Variants in CDH13 observed in about 807,000 individuals in gnomAD.
CDH13 encodes cadherin-13.
Under a neutral mutation model 63.8 loss-of-function variants are expected in CDH13, and 24 were observed. The observed-to-expected ratio is 0.38, with a 90% CI of 0.27 to 0.53. CDH13 has a LOEUF of 0.53. Ranked by LOEUF, CDH13 falls within the 20% of genes least tolerant of loss-of-function variation. The probability of loss-of-function intolerance (pLI) is 0.85; values close to 1 mark genes in which losing one functional copy is unlikely to be tolerated. For missense variants in CDH13, 1,049 were observed against 903.1 expected, an observed-to-expected ratio of 1.16 and a Z score of -2.07; for synonymous variants, 503 against 355.3, an observed-to-expected ratio of 1.42 and a Z score of -4.67.
At chr16:83,226,516 C>T (rs1394098554) in intron 5 of CDH13, among the ~76,000 whole-genome samples, 1 of 152,204 alleles carries the variant, frequency 6.6e-6, no homozygotes, top group Non-Finnish European at 1.5e-5. Flanking sequence ...GGCCCACACT[C>T]GGTACTTAGC....
At chr16:83,131,474 C>G (rs112517424) in intron 4 of CDH13, among the ~76,000 whole-genome samples, 1 of 152,090 alleles carries the variant, frequency 6.6e-6, no homozygotes, top group East Asian at 1.9e-4. Context: ...TTTCCCCTCC[C>G]CCTTCAAAGT....
intron 10 of CDH13, chr16:83,710,140 C>T (rs1308456259): frequency 6.6e-6 from 1 of 152,226 alleles, no homozygotes; most frequent in Admixed American, 6.5e-5. Context: ...TCACAATGCA[C>T]TGGACAGCCT....
At chr16:82,675,906 G>A (rs1913843917) in intron 1 of CDH13, among the ~76,000 whole-genome samples, 5 of 152,156 alleles carry the variant, frequency 3.3e-5, no homozygotes, top group Admixed American at 2.0e-4. Context: ...CCATATCCTT[G>A]GGAGACCAGA....
At chr16:83,601,575 C>T (rs1278469939) in intron 7 of CDH13, among the ~76,000 whole-genome samples, 4 of 152,142 alleles carry the variant, frequency 2.6e-5, no homozygotes, top group Non-Finnish European at 4.4e-5. Context: ...GGTTTCTTCC[C>T]CATCTGTAAA....
intron 1 of CDH13, among the ~76,000 whole-genome samples, chr16:82,676,370 C>T (rs528629192): frequency 3.9e-5 from 6 of 152,240 alleles, no homozygotes; most frequent in Admixed American, 1.3e-4. Flanking sequence ...CAGTTTTTCC[C>T]CTTTCTCACA....
chr16:83,334,357 TCTCTCACA>T (rs1403514045), intron 5 of CDH13, among the ~76,000 whole-genome samples: 5 of 58,388 alleles, frequency 8.6e-5, no homozygotes, highest in Non-Finnish European at 1.6e-4. Flanking sequence ...TCTCTCTCTC[TCTCTCACA>T]CACACACACA....
At chr16:83,592,921 A>T (rs61708700) in intron 7 of CDH13, among the ~76,000 whole-genome samples, 2 of 152,218 alleles carry the variant, frequency 1.3e-5, no homozygotes, top group African/African-American at 2.4e-5. Context: ...ATGGAAGAAC[A>T]TCGCTCGACC....
intron 1 of CDH13, among the ~76,000 whole-genome samples, chr16:82,845,341 C>T (rs1227135412): frequency 6.6e-6 from 1 of 152,206 alleles, no homozygotes; most frequent in East Asian, 1.9e-4. Flanking sequence ...CCCATCTCTG[C>T]TTTCCCTCAC....
In CDH13 at chr16:83,795,219, C is replaced by T. The variant is rs961170781; in HGVS notation, c.*189C>T. On this transcript the variant is annotated 3_prime_UTR_variant, in exon 14 of 14. Coordinates refer to ENST00000567109, the MANE Select transcript of CDH13 (RefSeq NM_001257.5). Reference sequence around the variant, plus strand: ...TCATCATTTTGACAGCATCTTCCTCCCTCCTTTAATTAATGGAATCTTCTG... The same window carrying T: ...TCATCATTTTGACAGCATCTTCCTCTCTCCTTTAATTAATGGAATCTTCTG... 19 of 541,058 alleles carry T rather than the reference C, an allele frequency of 3.5e-5. No individual in the cohort carries two copies. Among genetic ancestry groups the T allele is most frequent in the Admixed American group, 1.3e-4 (4 of 30,262 alleles). The allele number at this position is 541,058 out of a possible 1,614,324, so 33.5% of individuals were successfully genotyped here. A position where few individuals can be genotyped will look rare whatever the true frequency, so the allele number is the denominator to read the frequency against.
At chr16:83,466,248 T>C (rs924307795) in intron 6 of CDH13, among the ~76,000 whole-genome samples, 1 of 152,176 alleles carries the variant, frequency 6.6e-6, no homozygotes, top group Non-Finnish European at 1.5e-5. Flanking sequence ...TGCCAAACCC[T>C]ATTAACCTCA....
intron 1 of CDH13, among the ~76,000 whole-genome samples, chr16:82,681,332 C>T (rs905410544): frequency 1.3e-5 from 2 of 152,212 alleles, no homozygotes; most frequent in East Asian, 3.9e-4. Flanking sequence ...TTCGTGATTG[C>T]CAGGGGCGTG....
chr16:83,159,878 CAG>C (rs1354600894), intron 4 of CDH13, among the ~76,000 whole-genome samples: 1 of 152,054 alleles, frequency 6.6e-6, no homozygotes, highest in Non-Finnish European at 1.5e-5. Flanking sequence ...AGTTCAAGAC[CAG>C]CCTGGCCAAC....
intron 5 of CDH13, among the ~76,000 whole-genome samples, chr16:83,322,184 C>G (rs1293326801): frequency 6.6e-6 from 1 of 152,196 alleles, no homozygotes; most frequent in Non-Finnish European, 1.5e-5. Flanking sequence ...CCTCCAGCTA[C>G]AGACACATTA....
intron 2 of CDH13, among the ~76,000 whole-genome samples, chr16:82,907,554 A>G (rs1383847674): frequency 6.6e-6 from 1 of 152,238 alleles, no homozygotes; most frequent in African/African-American, 2.4e-5. Flanking sequence ...TGAGAAGAGA[A>G]AAGCAAAACA....
intron 4 of CDH13, among the ~76,000 whole-genome samples, chr16:83,143,598 C>T (rs2036625495): frequency 6.6e-6 from 1 of 152,180 alleles, no homozygotes; most frequent in Non-Finnish European, 1.5e-5. Context: ...AGTTAACATA[C>T]TCATTTATCA....
At chr16:83,199,660 T>C (rs2038969250) in intron 4 of CDH13, among the ~76,000 whole-genome samples, 1 of 152,204 alleles carries the variant, frequency 6.6e-6, no homozygotes, top group African/African-American at 2.4e-5. Context: ...TCTCCGTGAC[T>C]GTTACATGTT....
At chr16:83,436,988 A>G (rs1345187296) in intron 6 of CDH13, among the ~76,000 whole-genome samples, 1 of 151,994 alleles carries the variant, frequency 6.6e-6, no homozygotes, top group Non-Finnish European at 1.5e-5. Flanking sequence ...CTCTTTCTTG[A>G]TTTTGGTGCT....
chr16:83,602,507 A>C lies in CDH13; in HGVS notation c.1014A>C (p.Gly338=). 6.8e-6 allele frequency: 11 copies of C among 1,612,682 alleles called. No individual in the cohort carries two copies. The highest frequency in any genetic ancestry group is 8.5e-6 in the Non-Finnish European group (10 of 1,179,648). Reference sequence around the variant, plus strand: ...TCATCGAGGCTCAAGATATGGCTGGACTGGATGTTGGATTAACAGGCACGG... The same window carrying C: ...TCATCGAGGCTCAAGATATGGCTGGCCTGGATGTTGGATTAACAGGCACGG... ...ELIIEAQDMA[G]LDVGLTGTAT... The change falls in exon 8 of 14, where the codon GGA becomes GGC. Residue 338 remains glycine, a synonymous_variant. Coordinates refer to ENST00000567109, the MANE Select transcript of CDH13 (RefSeq NM_001257.5).
intron 4 of CDH13, chr16:83,181,074 T>C: frequency 1.5e-6 from 2 of 1,370,140 alleles, no homozygotes; most frequent in Non-Finnish European, 1.9e-6. Flanking sequence ...TGTGTTTAAA[T>C]AAATTGTCCT....
Sources: gnomAD v4.1 joint callset for allele counts (sites outside exome capture counted in the v4.1 genomes callset) on GRCh38, gnomAD v4.1.1 for gene constraint, MANE v1.5 for transcripts, NCBI Gene and HGNC (gene_info 2026-07-23, HGNC 2026-07-21) for gene names.